The following EVA1C variants were observed in gnomAD, a reference collection of about 807,000 sequenced individuals.
EVA1C encodes the protein eva-1 homolog C.
In EVA1C, 25 loss-of-function variants were observed where a neutral mutation model predicts 45.4. The ratio of observed to expected loss-of-function variants is 0.55; its 90% confidence interval spans 0.40 to 0.77. The LOEUF (loss-of-function observed/expected upper bound fraction) is 0.77, where lower values mean the gene tolerates loss of function less well. Ranked by LOEUF, EVA1C falls within the 30% of genes least tolerant of loss-of-function variation. The pLI is 0.00. For missense variants in EVA1C, 479 were observed against 554.8 expected (o/e 0.86, Z 1.37); for synonymous variants, 190 against 221.2 (o/e 0.86, Z 1.25).
intron 5 of EVA1C, among the ~76,000 whole-genome samples, chr21:32,499,848 G>A (rs192391594): frequency 3.6e-3 from 553 of 152,274 alleles, no homozygotes; most frequent in Non-Finnish European, 5.7e-3. Context: ...CTGTTTCAGC[G>A]GGTGCTGTCA....
At chr21:32,414,735 A>T (rs994153442) in intron 1 of EVA1C, among the ~76,000 whole-genome samples, 3 of 152,136 alleles carry the variant, frequency 2.0e-5, no homozygotes, top group African/African-American at 7.2e-5. Context: ...TGCTTTCCAT[A>T]CGAACCTAAA....
At chr21:32,445,323 C>T (rs191874951) in intron 1 of EVA1C, among the ~76,000 whole-genome samples, 14 of 152,356 alleles carry the variant, frequency 9.2e-5, no homozygotes, top group Non-Finnish European at 1.3e-4. Flanking sequence ...TCCCATTCCA[C>T]ATCTGTGGAT....
chr21:32,412,847 G>A lies in EVA1C; in HGVS notation c.-7G>A, dbSNP rs1274405378. The A allele has an allele frequency of 1.4e-6, 2 of 1,466,754 alleles. No individual in the cohort carries two copies. The highest frequency in any genetic ancestry group is 2.7e-5 in the South Asian group (2 of 75,322). 90.9% of individuals were successfully genotyped at this position (1,466,754 alleles called of 1,614,324 possible). A position where few individuals can be genotyped will look rare whatever the true frequency, so the allele number is the denominator to read the frequency against. On this transcript the variant is annotated 5_prime_UTR_variant, in exon 1 of 8. Coordinates refer to ENST00000300255, the MANE Select transcript of EVA1C (RefSeq NM_058187.5). ...GCCTGCGCCTCCGCCCCGCCGCGCA[G>A]CGCACGATGCTTCTGCCGGGACGCG...
At chr21:32,507,477 T>C (rs990918078) in intron 7 of EVA1C, among the ~76,000 whole-genome samples, 1 of 151,614 alleles carries the variant, frequency 6.6e-6, no homozygotes, top group African/African-American at 2.4e-5. Context: ...TGTGTGCATG[T>C]GTGTATGCGT....
At chr21:32,414,187 C>T (rs1426133419) in intron 1 of EVA1C, among the ~76,000 whole-genome samples, 1 of 152,154 alleles carries the variant, frequency 6.6e-6, no homozygotes, top group Non-Finnish European at 1.5e-5. Flanking sequence ...GCAAAGGAAG[C>T]CAAGATAAGG....
At chr21:32,439,409 T>C (rs1281046001) in intron 1 of EVA1C, among the ~76,000 whole-genome samples, 1 of 152,078 alleles carries the variant, frequency 6.6e-6, no homozygotes, top group African/African-American at 2.4e-5. Flanking sequence ...TAAGGATGAA[T>C]ATGAAGCTGG....
intron 2 of EVA1C, among the ~76,000 whole-genome samples, chr21:32,456,555 TG>T (rs2035790463): frequency 6.6e-6 from 1 of 152,118 alleles, no homozygotes; most frequent in Non-Finnish European, 1.5e-5. Flanking sequence ...CCTGAGAGAA[TG>T]GGGGATACCT....
chr21:32,502,377 G>T (rs2037588687), intron 6 of EVA1C, among the ~76,000 whole-genome samples: 2 of 152,062 alleles, frequency 1.3e-5, no homozygotes. Context: ...GGGATTACAG[G>T]TGTGAACCAC....
chr21:32,464,844 T>C (rs1460452570), intron 3 of EVA1C, among the ~76,000 whole-genome samples: 1 of 152,096 alleles, frequency 6.6e-6, no homozygotes, highest in African/African-American at 2.4e-5. Context: ...AGGTGACATT[T>C]ATATTTGGAA....
chr21:32,496,822 G>A lies in EVA1C; in HGVS notation c.778+1652G>A. 3.6e-6 allele frequency: 3 copies of A among 826,252 alleles called. No homozygotes were observed. The Admixed American group carries it at 5.1e-5, about 14-fold the overall frequency. The allele number at this position is 826,252 out of a possible 1,614,324, so 51.2% of individuals were successfully genotyped here. A position where few individuals can be genotyped will look rare whatever the true frequency, so the allele number is the denominator to read the frequency against. Reference sequence around the variant, plus strand: ...AGCCCTGGGAACGGAGTATATTCTAGTGAAAGGAGACCAGGTGACTGGCAT... The same window carrying A: ...AGCCCTGGGAACGGAGTATATTCTAATGAAAGGAGACCAGGTGACTGGCAT... On this transcript the variant is annotated intron_variant, in intron 5 of 7. Transcript: ENST00000300255.
At chr21:32,482,920 G>A (rs545881131) in intron 4 of EVA1C, among the ~76,000 whole-genome samples, 3 of 176 alleles carry the variant, frequency 0.017, no homozygotes, top group South Asian at 0.25. Context: ...GCAATGGCAC[G>A]ATCATAGCTC....
chr21:32,416,352 G>A (rs945415543), intron 1 of EVA1C, among the ~76,000 whole-genome samples: 6 of 127,464 alleles, frequency 4.7e-5, no homozygotes, highest in Admixed American at 9.3e-5. Flanking sequence ...TTTTTGAGAC[G>A]CAGTTTCACT....
At chr21:32,505,694 G>T (rs962980067) in intron 7 of EVA1C, among the ~76,000 whole-genome samples, 9 of 152,200 alleles carry the variant, frequency 5.9e-5, no homozygotes. Flanking sequence ...TCCGGTAAGG[G>T]CTCTCTTCCT....
chr21:32,471,546 G>A (rs1336362000), intron 4 of EVA1C, among the ~76,000 whole-genome samples: 1 of 151,364 alleles, frequency 6.6e-6, no homozygotes, highest in Non-Finnish European at 1.5e-5. Flanking sequence ...GGCTGGTCTC[G>A]AACTTCTGAC....
intron 1 of EVA1C, among the ~76,000 whole-genome samples, chr21:32,421,332 G>A (rs2034263516): frequency 6.7e-6 from 1 of 148,456 alleles, no homozygotes; most frequent in Non-Finnish European, 1.5e-5. Context: ...TTAGAATAAA[G>A]ACCTCTATAT....
At chr21:32,440,913 C>T (rs1208014274) in intron 1 of EVA1C, among the ~76,000 whole-genome samples, 3 of 152,054 alleles carry the variant, frequency 2.0e-5, no homozygotes, top group Non-Finnish European at 4.4e-5. Context: ...CCAGCCTGAC[C>T]AACATGGAGA....
rs73353072 is a variant in EVA1C at position 32,474,513 on chromosome 21, C to T, written c.634+6665C>T. 0.013 allele frequency among the ~76,000 whole-genome samples: 1,926 copies of T among 152,302 alleles called. 30 individuals are homozygous for T. Among genetic ancestry groups the T allele is most frequent in the Admixed American group, 0.038 (582 of 15,300 alleles). Reference sequence around the variant, plus strand: ...GCACCGGCCAGCATGGCACCTCGTCCCTGCAGTCCCTCTCTGGCGACCCTT... The same window carrying T: ...GCACCGGCCAGCATGGCACCTCGTCTCTGCAGTCCCTCTCTGGCGACCCTT... On this transcript the variant is annotated intron_variant, in intron 4 of 7. Transcript: ENST00000300255. The surrounding 1 kb of genome is among the most constrained non-coding windows in gnomAD (Gnocchi z 4.4).
At chr21:32,453,182 G>C in intron 1 of EVA1C, 130 bp from the exon 2 acceptor site, 1 of 600,592 alleles carries the variant, frequency 1.7e-6, no homozygotes, top group East Asian at 2.8e-5. Flanking sequence ...AGAGCTGCTA[G>C]GGAGGCCCCA....
rs140076870 is a variant in EVA1C at position 32,421,844 on chromosome 21, G to T, written c.160+8831G>T. On this transcript the variant is annotated intron_variant, in intron 1 of 7. Coordinates refer to ENST00000300255, the MANE Select transcript of EVA1C (RefSeq NM_058187.5). The stretch of plus-strand genomic sequence containing the variant: ...GGATCACCTGAGGTCAGGAGTTCAA[G>T]ACCAGCCTGGCCAACATGGCGAAGC... Among the ~76,000 whole-genome samples, 449 of 152,246 alleles carry T rather than the reference G, an allele frequency of 2.9e-3. 6 individuals are homozygous for T. Among genetic ancestry groups the T allele is most frequent in the African/African-American group, 9.1e-3 (376 of 41,536 alleles).
Sources: allele counts gnomAD v4.1 joint callset (sites outside exome capture counted in the v4.1 genomes callset), GRCh38; gene constraint gnomAD v4.1.1; non-coding constraint Gnocchi (gnomAD v3.1); transcripts MANE v1.5; gene names NCBI Gene and HGNC (gene_info 2026-07-23, HGNC 2026-07-21).